UBE2W: variants seen among roughly 807,000 people sequenced by gnomAD.
UBE2W encodes the protein ubiquitin-conjugating enzyme E2 W.
In UBE2W, 18 loss-of-function variants were observed where a neutral mutation model predicts 27.2. That is an observed-to-expected ratio of 0.66 (90% CI 0.46 to 0.98). UBE2W has a LOEUF of 0.98. Ranked by LOEUF, UBE2W falls within the 50% of genes least tolerant of loss-of-function variation. UBE2W has a pLI of 0.00. For synonymous variants in UBE2W, 53 were observed against 57.2 expected (o/e 0.93, Z 0.33); for missense variants, 90 against 180.2 (o/e 0.50, Z 2.87).
intron 1 of UBE2W, among the ~76,000 whole-genome samples, chr8:73,836,977 A>G (rs745718123): frequency 2.0e-5 from 3 of 152,238 alleles, no homozygotes; most frequent in Non-Finnish European, 2.9e-5. Flanking sequence ...ATGAGAAATT[A>G]GGTTCCAGTG....
intron 1 of UBE2W, among the ~76,000 whole-genome samples, chr8:73,833,184 CAAAA>C (rs1202478660): frequency 6.4e-5 from 2 of 31,380 alleles, no homozygotes; most frequent in African/African-American, 1.2e-4. Context: ...GACTCCACCT[CAAAA>C]AAAAAAAAAA....
At chr8:73,861,736 G>A (rs950242858) in intron 1 of UBE2W, among the ~76,000 whole-genome samples, 3 of 152,138 alleles carry the variant, frequency 2.0e-5, no homozygotes, top group Non-Finnish European at 4.4e-5. Flanking sequence ...GCTCATAACT[G>A]AGCCTATGGA....
chr8:73,792,331 T>C lies in UBE2W; in HGVS notation c.*1771A>G, dbSNP rs1808238612. 1.0e-6 allele frequency: 1 copy of C among 985,536 alleles called. No individual in the cohort carries two copies. The highest frequency in any genetic ancestry group is 1.2e-6 in the Non-Finnish European group (1 of 829,794). The allele number at this position is 985,536 out of a possible 1,614,324, so 61.0% of individuals were successfully genotyped here. A position where few individuals can be genotyped will look rare whatever the true frequency, so the allele number is the denominator to read the frequency against. On this transcript the variant is annotated 3_prime_UTR_variant, in exon 6 of 6. Transcript: ENST00000602593. ...TATATAAACAGTGTCCACAATTTGG[T>C]GGCTGGCCACGGTTTTAATTTTTTT...
downstream of UBE2W, among the ~76,000 whole-genome samples, chr8:73,783,385 T>C (rs554995403): frequency 6.0e-4 from 91 of 152,262 alleles, no homozygotes; most frequent in African/African-American, 1.8e-3. Context: ...CTGTATACAG[T>C]GTTAGGTAAG....
chr8:73,807,169 C>T (rs767412577), intron 4 of UBE2W, among the ~76,000 whole-genome samples: 19 of 152,306 alleles, frequency 1.2e-4, no homozygotes, highest in East Asian at 7.7e-4. Flanking sequence ...TTATGCCTTT[C>T]GGAATCATTC....
At chr8:73,835,478 C>G (rs1257822740) in intron 1 of UBE2W, among the ~76,000 whole-genome samples, 1 of 152,178 alleles carries the variant, frequency 6.6e-6, no homozygotes, top group Non-Finnish European at 1.5e-5. Context: ...TGCGATGGCT[C>G]ATGCCTGTAA....
intron 1 of UBE2W, among the ~76,000 whole-genome samples, chr8:73,878,364 T>G (rs1172529272): frequency 1.3e-5 from 2 of 152,172 alleles, no homozygotes; most frequent in Non-Finnish European, 2.9e-5. Flanking sequence ...AGACGCATTC[T>G]CGGCTCCCGC....
intron 1 of UBE2W, among the ~76,000 whole-genome samples, chr8:73,862,848 C>T: frequency 6.9e-6 from 1 of 144,352 alleles, no homozygotes. Flanking sequence ...CACTGGCCAT[C>T]AGAGAAATGC....
chr8:73,858,018 T>C (rs1445490796), intron 1 of UBE2W, among the ~76,000 whole-genome samples: 2 of 151,198 alleles, frequency 1.3e-5, no homozygotes, highest in African/African-American at 4.9e-5. Context: ...TGAGGTCAGG[T>C]GATTGAGACT....
intron 2 of UBE2W, among the ~76,000 whole-genome samples, chr8:73,826,714 C>T (rs1425953734): frequency 2.0e-5 from 3 of 152,084 alleles, no homozygotes; most frequent in African/African-American, 7.2e-5. Context: ...ATACTGAAGT[C>T]GCAGTTATAG....
At chr8:73,866,515 CTAAA>C (rs887405533) in intron 1 of UBE2W, among the ~76,000 whole-genome samples, 5 of 150,922 alleles carry the variant, frequency 3.3e-5, no homozygotes. Flanking sequence ...TACTATGAAA[CTAAA>C]TAATCCCTAC....
At position 73,789,219 on chromosome 8, in the gene UBE2W, C is replaced by G; in HGVS notation, c.*4883G>C. 1.0e-6 allele frequency: 1 copy of G among 976,822 alleles called. No homozygotes were observed. Among genetic ancestry groups the G allele is most frequent in the Non-Finnish European group, 1.2e-6 (1 of 828,190 alleles). 60.5% of individuals were successfully genotyped at this position (976,822 alleles called of 1,614,324 possible). On this transcript the variant is annotated 3_prime_UTR_variant, in exon 6 of 6. Coordinates refer to ENST00000602593, the MANE Select transcript of UBE2W (RefSeq NM_018299.6). ...GGCATGGTGGCTTGCACCTGTAATC[C>G]CAGCATTTTGGGAGGCTGAGGCAGG...
rs538011093 is a variant in UBE2W, at chr8:73,792,270, T to A, written c.*1832A>T. 19 of 985,682 alleles carry A rather than the reference T, an allele frequency of 1.9e-5. No individual in the cohort carries two copies. The African/African-American group carries it at 3.3e-4, about 17-fold the overall frequency. The allele number at this position is 985,682 out of a possible 1,614,324, so 61.1% of individuals were successfully genotyped here. A position where few individuals can be genotyped will look rare whatever the true frequency, so the allele number is the denominator to read the frequency against. The stretch of plus-strand genomic sequence containing the variant: ...CTAGTCAAGATAGAACAAAAACGGT[T>A]ATAATTTTTTAAAAGTGGTAATTGT... On this transcript the variant is annotated 3_prime_UTR_variant, in exon 6 of 6. Transcript: ENST00000602593.
At chr8:73,794,155 C>T in intron 5 of UBE2W, 40 bp from the exon 6 acceptor site, 1 of 1,603,042 alleles carries the variant, frequency 6.2e-7, no homozygotes, top group East Asian at 2.2e-5. Context: ...AAAAGTCAAG[C>T]ATGTATAAGT....
intron 3 of UBE2W, among the ~76,000 whole-genome samples, chr8:73,812,221 TAA>T (rs760841875): frequency 4.4e-4 from 33 of 75,318 alleles, no homozygotes; most frequent in Admixed American, 1.1e-3. Flanking sequence ...TTCCCACTAA[TAA>T]AAAAAAAAAA....
chr8:73,866,410 A>G (rs1456737338), intron 1 of UBE2W, among the ~76,000 whole-genome samples: 3 of 150,236 alleles, frequency 2.0e-5, no homozygotes, highest in Non-Finnish European at 4.4e-5. Context: ...ACTCACCCAG[A>G]GAAGTAACCT....
intron 3 of UBE2W, among the ~76,000 whole-genome samples, chr8:73,814,252 T>C (rs943876331): frequency 1.3e-5 from 2 of 152,176 alleles, no homozygotes; most frequent in African/African-American, 4.8e-5. Context: ...AAAAATTTTT[T>C]TGGAGTTTCA....
At chr8:73,867,412 G>A (rs1811822846) in intron 1 of UBE2W, among the ~76,000 whole-genome samples, 1 of 152,108 alleles carries the variant, frequency 6.6e-6, no homozygotes, top group African/African-American at 2.4e-5. Flanking sequence ...GCACACGCCT[G>A]TAGTCCCAGC....
chr8:73,842,437 G>C (rs1400272498), intron 1 of UBE2W, among the ~76,000 whole-genome samples: 1 of 146,500 alleles, frequency 6.8e-6, no homozygotes, highest in Non-Finnish European at 1.5e-5. Context: ...GCTGAGGCAG[G>C]AGAATGGTGT....
Sources: gnomAD v4.1 joint callset for allele counts (sites outside exome capture counted in the v4.1 genomes callset) on GRCh38, gnomAD v4.1.1 for gene constraint, MANE v1.5 for transcripts, NCBI Gene and HGNC (gene_info 2026-07-23, HGNC 2026-07-21) for gene names.